IL1RAPL1: variants seen among roughly 807,000 people sequenced by gnomAD.
IL1RAPL1 encodes the protein interleukin-1 receptor accessory protein-like 1.
In IL1RAPL1, 3 loss-of-function variants were observed where a neutral mutation model predicts 48.4. The ratio of observed to expected loss-of-function variants is 0.06; its 90% CI spans 0.03 to 0.16. The LOEUF (loss-of-function observed/expected upper bound fraction) is 0.16. Ranked by LOEUF, IL1RAPL1 falls within the 10% of genes least tolerant of loss-of-function variation. IL1RAPL1 has a pLI of 1.00. For missense variants in IL1RAPL1, 349 were observed against 530.6 expected (o/e 0.66, Z 3.36); for synonymous variants, 185 against 187.7 (o/e 0.99, Z 0.12).
chrX:28,854,750 A>G (rs1187150090), intron 2 of IL1RAPL1, among the ~76,000 whole-genome samples: 2 of 111,102 alleles, frequency 1.8e-5, no homozygotes, highest in Non-Finnish European at 3.8e-5. Flanking sequence ...AAAACTCAGG[A>G]TAAGAGAGCT....
At chrX:29,118,939 T>C (rs1168995037) in intron 2 of IL1RAPL1, among the ~76,000 whole-genome samples, 2 of 111,818 alleles carry the variant, frequency 1.8e-5, no homozygotes, top group African/African-American at 6.5e-5. Context: ...AATTCTTTAG[T>C]TGATAGTGAC....
At chrX:29,545,352 T>A (rs1341780092) in intron 5 of IL1RAPL1, among the ~76,000 whole-genome samples, 1 of 111,546 alleles carries the variant, frequency 9.0e-6, no homozygotes, top group African/African-American at 3.3e-5. Flanking sequence ...ATTTACTTTT[T>A]ACTAATACCT....
intron 2 of IL1RAPL1, among the ~76,000 whole-genome samples, chrX:28,934,304 A>G (rs943347253): frequency 9.0e-6 from 1 of 111,557 alleles, no homozygotes; most frequent in African/African-American, 3.3e-5. Flanking sequence ...CGATCTTGAA[A>G]TCTGCTTGGT....
At chrX:29,091,149 A>G (rs527893721) in intron 2 of IL1RAPL1, among the ~76,000 whole-genome samples, 1 of 112,290 alleles carries the variant, frequency 8.9e-6, no homozygotes, top group East Asian at 2.8e-4. Flanking sequence ...TTACTCCTGA[A>G]TGTGGAACTA....
intron 3 of IL1RAPL1, among the ~76,000 whole-genome samples, chrX:29,320,692 G>A (rs1932797882): frequency 9.1e-6 from 1 of 109,925 alleles, no homozygotes; most frequent in Admixed American, 9.8e-5. Flanking sequence ...CTTGAAACCG[G>A]GAGGCTGAGG....
intron 6 of IL1RAPL1, among the ~76,000 whole-genome samples, chrX:29,757,626 A>G (rs890833971): frequency 1.2e-4 from 13 of 112,442 alleles, no homozygotes; most frequent in African/African-American, 4.2e-4. Flanking sequence ...AAAGTCAATT[A>G]GTTTCTAGCC....
chrX:29,200,852 G>C (rs866755656), intron 2 of IL1RAPL1, among the ~76,000 whole-genome samples: 26 of 110,847 alleles, frequency 2.3e-4, no homozygotes, highest in Middle Eastern at 4.7e-3. Context: ...TTAAGTTCAG[G>C]GGTATATGTA....
rs370707850 is a variant in IL1RAPL1, at chrX:29,274,965, CTTTTTTT to C, written c.83-7967_83-7961del. On this transcript the variant is annotated intron_variant, in intron 2 of 10. Coordinates refer to ENST00000378993, the MANE Select transcript of IL1RAPL1 (RefSeq NM_014271.4). ...TTCCTTGTCATATCCTTTGCTACTT[CTTTTTTT>C]TTTTTGTAACCTCTATTTTAAGAAC... 2.7e-4 allele frequency among the ~76,000 whole-genome samples: 28 copies of C among 103,721 alleles called. 1 individual carries two copies. The East Asian group carries it at 7.2e-3, about 27-fold the overall frequency. 90.1% of individuals were successfully genotyped at this position (103,721 alleles called of 115,157 possible).
chrX:28,604,719 C>CA (rs778056286), intron 1 of IL1RAPL1, among the ~76,000 whole-genome samples: 2,210 of 27,223 alleles, frequency 0.081, 141 homozygotes, highest in African/African-American at 0.2. Context: ...GAGCGAGACT[C>CA]AAAAAAAAAA....
intron 6 of IL1RAPL1, among the ~76,000 whole-genome samples, chrX:29,737,082 T>C: frequency 8.9e-6 from 1 of 112,247 alleles, no homozygotes; most frequent in East Asian, 2.8e-4. Context: ...GTATTTTAAA[T>C]GCATACAGTA....
chrX:29,400,981 T>C (rs1042906663), intron 5 of IL1RAPL1, among the ~76,000 whole-genome samples: 1 of 111,685 alleles, frequency 9.0e-6, no homozygotes, highest in African/African-American at 3.3e-5. Flanking sequence ...TCTAAACCAG[T>C]ACCTAGTATG....
chrX:29,380,392 T>C (rs1278514644), intron 3 of IL1RAPL1, among the ~76,000 whole-genome samples: 1 of 111,852 alleles, frequency 8.9e-6, no homozygotes, highest in Non-Finnish European at 1.9e-5. Flanking sequence ...CACGCCCTGC[T>C]AATTTTGTAT....
chrX:29,898,258 A>T (rs1932426836), intron 6 of IL1RAPL1, among the ~76,000 whole-genome samples: 1 of 112,147 alleles, frequency 8.9e-6, no homozygotes, highest in East Asian at 2.8e-4. Flanking sequence ...TACTAACTTT[A>T]TTCATTTTGT....
At chrX:29,217,777 TCA>T (rs750727005) in intron 2 of IL1RAPL1, among the ~76,000 whole-genome samples, 610 of 60,601 alleles carry the variant, frequency 0.01, 3 homozygotes, top group Middle Eastern at 0.03. Context: ...TCTCTCTCTC[TCA>T]CACACACACA....
At chrX:29,682,743 C>G (rs1249580148) in intron 6 of IL1RAPL1, among the ~76,000 whole-genome samples, 1 of 111,938 alleles carries the variant, frequency 8.9e-6, no homozygotes, top group Admixed American at 9.5e-5. Flanking sequence ...AAATAAAAAC[C>G]AACATACATA....
At chrX:29,353,878 T>C (rs923419559) in intron 3 of IL1RAPL1, among the ~76,000 whole-genome samples, 16 of 107,565 alleles carry the variant, frequency 1.5e-4, no homozygotes, top group African/African-American at 5.1e-4. Flanking sequence ...CATTACTCAT[T>C]GAGGTCCTCC....
intron 6 of IL1RAPL1, among the ~76,000 whole-genome samples, chrX:29,708,572 A>G (rs750637155): frequency 9.0e-6 from 1 of 111,677 alleles, no homozygotes; most frequent in East Asian, 2.8e-4. Context: ...AGGCCGTATA[A>G]TATTCCATTG....
At position 29,122,910 on chromosome X, in the gene IL1RAPL1, A is replaced by G. The variant is rs766736179; in HGVS notation, c.83-160028A>G. ...AAGAAGCAGTAATTTTGAAGGGACA[A>G]TGTAAAATAGAAGAATAGGCAATCT... On this transcript the variant is annotated intron_variant, in intron 2 of 10. Transcript: ENST00000378993. Among the ~76,000 whole-genome samples, 10 of 111,875 alleles carry G rather than the reference A, an allele frequency of 8.9e-5. No individual in the cohort carries two copies. In the South Asian group the frequency reaches 3.0e-3, roughly 33 times the overall value.
At chrX:29,837,472 A>T (rs1469219020) in intron 6 of IL1RAPL1, among the ~76,000 whole-genome samples, 1 of 109,148 alleles carries the variant, frequency 9.2e-6, no homozygotes, top group African/African-American at 3.3e-5. Flanking sequence ...ACATTACCCC[A>T]TTTTGTAAAT....
Sources: allele counts gnomAD v4.1 joint callset (sites outside exome capture counted in the v4.1 genomes callset), GRCh38; gene constraint gnomAD v4.1.1; transcripts MANE v1.5; gene names NCBI Gene and HGNC (gene_info 2026-07-23, HGNC 2026-07-21).